USP34: variants seen among roughly 807,000 people sequenced by gnomAD.
USP34 encodes ubiquitin carboxyl-terminal hydrolase 34.
Under a neutral mutation model 460.3 loss-of-function variants are expected in USP34, and 70 were observed. That is an observed-to-expected ratio of 0.15 (90% CI 0.13 to 0.19). The LOEUF is 0.19. Among genes scored for constraint, USP34 ranks in the 10% least tolerant of loss-of-function variants. The probability of loss-of-function intolerance (pLI) is 1.00; values close to 1 mark genes in which losing one functional copy is unlikely to be tolerated. For synonymous variants in USP34, 1,647 were observed against 1,405.3 expected, an observed-to-expected ratio of 1.17 and a Z score of -3.85; for missense variants, 3,985 against 4,236.2, an observed-to-expected ratio of 0.94 and a Z score of 1.65.
chr2:61,326,263 A>G (rs1015735399), intron 20 of USP34, among the ~76,000 whole-genome samples: 2 of 152,168 alleles, frequency 1.3e-5, no homozygotes, highest in Admixed American at 1.3e-4. Flanking sequence ...GCTGGAGTGC[A>G]GTGACAGAAT....
intron 41 of USP34, among the ~76,000 whole-genome samples, chr2:61,266,549 C>A (rs558392895): frequency 6.6e-6 from 1 of 152,322 alleles, no homozygotes; most frequent in African/African-American, 2.4e-5. Context: ...GCAACAATAA[C>A]AGTGGCAAAA....
chr2:61,189,702 A>G (rs938626628), intron 78 of USP34: 3 of 152,494 alleles, frequency 2.0e-5, no homozygotes, highest in African/African-American at 7.2e-5. Flanking sequence ...ACAAACCTTG[A>G]AATCAGTTTC....
chr2:61,235,936 A>G (rs1688055364), intron 56 of USP34, 26 bp from the exon 57 acceptor site: 3 of 1,606,480 alleles, frequency 1.9e-6, no homozygotes, highest in Non-Finnish European at 1.7e-6. Context: ...CAGTCAAAGC[A>G]TATGAACTTC....
chr2:61,371,352 T>C (rs190757679), intron 8 of USP34, among the ~76,000 whole-genome samples: 9 of 152,110 alleles, frequency 5.9e-5, no homozygotes, highest in African/African-American at 2.2e-4. Flanking sequence ...TTTATTATAC[T>C]TTTCATCTTT....
intron 10 of USP34, 102 bp downstream of exon 10, chr2:61,370,219 T>C: frequency 8.4e-7 from 1 of 1,191,828 alleles, no homozygotes; most frequent in Non-Finnish European, 1.2e-6. Flanking sequence ...CATGTCTTGG[T>C]CTCCTTAGCT....
At chr2:61,435,244 C>A (rs550657622) in intron 1 of USP34, among the ~76,000 whole-genome samples, 1 of 129,356 alleles carries the variant, frequency 7.7e-6, no homozygotes, top group South Asian at 2.6e-4. Context: ...GTCAAGGCTG[C>A]AATAAGCTTT....
At chr2:61,439,489 G>A (rs915628363) in intron 1 of USP34, among the ~76,000 whole-genome samples, 10 of 152,244 alleles carry the variant, frequency 6.6e-5, no homozygotes, top group East Asian at 1.9e-4. Flanking sequence ...GGAAGGGGCC[G>A]TTTCCATTTC....
chr2:61,247,622 G>A (rs1688452205), intron 49 of USP34, among the ~76,000 whole-genome samples: 1 of 152,078 alleles, frequency 6.6e-6, no homozygotes, highest in African/African-American at 2.4e-5. Context: ...CTGGACTCCT[G>A]GGCTCAAGTG....
At chr2:61,291,102 A>T (rs1234587709) in intron 33 of USP34, among the ~76,000 whole-genome samples, 2 of 152,162 alleles carry the variant, frequency 1.3e-5, no homozygotes, top group Non-Finnish European at 1.5e-5. Flanking sequence ...AGGAATTCTA[A>T]CAAATCAACA....
intron 30 of USP34, 120 bp from the exon 31 acceptor site, chr2:61,295,410 T>G: frequency 1.8e-6 from 2 of 1,091,018 alleles, no homozygotes; most frequent in South Asian, 2.5e-5. Context: ...TGAAACATAT[T>G]AAAACATATG....
chr2:61,413,509 C>T (rs1051395599), intron 2 of USP34, among the ~76,000 whole-genome samples: 1 of 140,520 alleles, frequency 7.1e-6, no homozygotes, highest in Non-Finnish European at 1.5e-5. Flanking sequence ...GAGCTCGAGA[C>T]CAGCCTGGGC....
At chr2:61,392,016 G>C (rs1209741001) in intron 5 of USP34, among the ~76,000 whole-genome samples, 2 of 152,116 alleles carry the variant, frequency 1.3e-5, no homozygotes, top group Non-Finnish European at 1.5e-5. Context: ...TGAGTTGCAA[G>C]ATAAAGAAAA....
intron 1 of USP34, among the ~76,000 whole-genome samples, chr2:61,463,937 A>C (rs963234512): frequency 5.9e-5 from 9 of 152,160 alleles, no homozygotes; most frequent in Non-Finnish European, 1.5e-5. Flanking sequence ...TCTAAACCTT[A>C]GTTCCCTCAT....
chr2:61,388,808 C>T (rs1001067425), intron 5 of USP34, among the ~76,000 whole-genome samples: 1 of 151,846 alleles, frequency 6.6e-6, no homozygotes, highest in East Asian at 1.9e-4. Context: ...CACACAAACA[C>T]CCTGATAAGA....
intron 10 of USP34, among the ~76,000 whole-genome samples, chr2:61,354,283 C>G (rs909813183): frequency 4.6e-5 from 7 of 152,092 alleles, no homozygotes; most frequent in Admixed American, 3.3e-4. Flanking sequence ...AAGAGATCCT[C>G]GATAAGATTA....
chr2:61,264,923 A>C (rs552126801), intron 43 of USP34, among the ~76,000 whole-genome samples: 1 of 152,302 alleles, frequency 6.6e-6, no homozygotes, highest in African/African-American at 2.4e-5. Context: ...AAAGTGAATA[A>C]AAATAACATG....
chr2:61,309,108 A>G (rs993045301), intron 27 of USP34, among the ~76,000 whole-genome samples: 1 of 152,246 alleles, frequency 6.6e-6, no homozygotes, highest in East Asian at 1.9e-4. Context: ...AGAATTCAAC[A>G]GCAATGATGA....
chr2:61,194,172 G>T (rs1172603592), intron 75 of USP34: 2 of 985,238 alleles, frequency 2.0e-6, no homozygotes, highest in African/African-American at 3.5e-5. Context: ...TACCAAGGAT[G>T]CCTAGGATCC....
Position 61,246,348 on chromosome 2 carries a change from G to C in USP34, c.6524C>G (p.Pro2175Arg). 6.3e-7 allele frequency: 1 copy of C among 1,581,308 alleles called. No individual in the cohort carries two copies. Among genetic ancestry groups the C allele is most frequent in the Non-Finnish European group, 8.6e-7 (1 of 1,165,090 alleles). The change falls in exon 50 of 80, where the codon CCC (proline) becomes CGC (arginine). Residue 2175 changes from proline to arginine, a missense_variant. Pro to Arg is a moderately radical substitution (Grantham distance 103). This residue lies in a region of USP34 where 70 missense variants were observed against 78.1 expected (regional missense o/e 0.90). Coordinates refer to ENST00000398571, the MANE Select transcript of USP34 (RefSeq NM_014709.4). ...YYSFIRDIVNPHAYKNNKWYL... is the reference protein window; with the variant it reads ...YYSFIRDIVNRHAYKNNKWYL... ...CCATTTATTGTTTTTATAAGCATGG[G>C]GATTTACTATATCTCTGATAAAGCT...
Sources: gnomAD v4.1 joint callset for allele counts (sites outside exome capture counted in the v4.1 genomes callset) on GRCh38, gnomAD v4.1.1 for gene constraint, gnomAD v4.1.1 regional missense constraint, MANE v1.5 for transcripts, NCBI Gene and HGNC (gene_info 2026-07-23, HGNC 2026-07-21) for gene names.